FBN1: variants seen among roughly 807,000 people sequenced by gnomAD.
The protein encoded by FBN1 is fibrillin 1, also known as fibrillin-1.
FBN1 carries 29 observed loss-of-function variants against 365.1 expected under a neutral mutation model. The observed-to-expected ratio is 0.08, with a 90% confidence interval of 0.06 to 0.11. The LOEUF (loss-of-function observed/expected upper bound fraction) is 0.11. Among genes scored for constraint, FBN1 ranks in the 10% least tolerant of loss-of-function variants. FBN1 has a pLI of 1.00. For missense variants in FBN1, 2,476 were observed against 3,703.2 expected (o/e 0.67, Z 8.60); for synonymous variants, 1,210 against 1,270.5 (o/e 0.95, Z 1.01).
At chr15:48,473,189 G>A (rs1257052467) in intron 34 of FBN1, among the ~76,000 whole-genome samples, 5 of 152,088 alleles carry the variant, frequency 3.3e-5, no homozygotes, top group Admixed American at 1.3e-4. Flanking sequence ...AATGATGGGA[G>A]GTTTTTGATG....
At chr15:48,491,698 A>C (rs1296827269) in intron 24 of FBN1, among the ~76,000 whole-genome samples, 1 of 152,166 alleles carries the variant, frequency 6.6e-6, no homozygotes, top group Non-Finnish European at 1.5e-5. Flanking sequence ...TACACTTCAA[A>C]GTAATGTGGT....
chr15:48,627,166 G>C (rs987131695), intron 2 of FBN1, among the ~76,000 whole-genome samples: 6 of 152,084 alleles, frequency 3.9e-5, no homozygotes, highest in African/African-American at 1.4e-4. Flanking sequence ...AAACTAATTT[G>C]TACATCATTT....
intron 6 of FBN1, among the ~76,000 whole-genome samples, chr15:48,538,526 T>G (rs2044031744): frequency 6.6e-6 from 1 of 151,804 alleles, no homozygotes; most frequent in Admixed American, 6.6e-5. Flanking sequence ...AGGGATAAGC[T>G]AAGTCCACAA....
chr15:48,466,103 C>T (rs1485333606), intron 38 of FBN1, among the ~76,000 whole-genome samples: 1 of 152,210 alleles, frequency 6.6e-6, no homozygotes, highest in African/African-American at 2.4e-5. Flanking sequence ...ACTCCCTGGT[C>T]TTACATGTGT....
At chr15:48,412,047 G>C (rs1458120009) in intron 65 of FBN1, among the ~76,000 whole-genome samples, 1 of 152,206 alleles carries the variant, frequency 6.6e-6, no homozygotes, top group Non-Finnish European at 1.5e-5. Flanking sequence ...CCCAGAGCCA[G>C]AGGTCTGGGT....
chr15:48,414,621 G>C (rs2042887643), intron 64 of FBN1, among the ~76,000 whole-genome samples: 1 of 151,876 alleles, frequency 6.6e-6, no homozygotes, highest in Non-Finnish European at 1.5e-5. Context: ...TCCCGGCCGG[G>C]TACAGTGGCT....
At chr15:48,493,834 C>A (rs1386165344) in intron 23 of FBN1, among the ~76,000 whole-genome samples, 2 of 152,180 alleles carry the variant, frequency 1.3e-5, no homozygotes, top group Non-Finnish European at 2.9e-5. Context: ...CTAAATCACC[C>A]ATGACTGTGA....
In FBN1 at chr15:48,526,190, T is replaced by G. The variant is rs1215867426; in HGVS notation, c.928A>C (p.Ser310Arg). The change falls in exon 9 of 66, where the codon AGT (serine) becomes CGT (arginine). Residue 310 changes from serine (S) to arginine (R), a missense_variant. Physicochemically the swap from Ser to Arg is moderately radical, Grantham distance 110 (BLOSUM62 -1). Transcript: ENST00000316623. ...EGGECTNTVS[S>R]YFCKCPPGFY... ...CCAGGGGGACATTTGCAAAAGTAACTGCTGACTGTGTTTGTACATTCACCC... is the reference window on the plus strand; with the variant it reads ...CCAGGGGGACATTTGCAAAAGTAACGGCTGACTGTGTTTGTACATTCACCC... 7 of 1,614,048 alleles carry G rather than the reference T, an allele frequency of 4.3e-6. No individual in the cohort carries two copies. In the Admixed American group the frequency reaches 1.2e-4, roughly 27 times the overall value.
chr15:48,613,241 T>C, intron 2 of FBN1, 149 bp from the exon 3 acceptor site: 1 of 680,800 alleles, frequency 1.5e-6, no homozygotes, highest in East Asian at 2.7e-5. Context: ...CAATGCTGGG[T>C]TGGTAGCTTG....
intron 10 of FBN1, among the ~76,000 whole-genome samples, chr15:48,517,281 C>A (rs1217888756): frequency 1.3e-5 from 2 of 152,174 alleles, no homozygotes; most frequent in African/African-American, 4.8e-5. Context: ...AGAGGTGATA[C>A]TCAAAGCCAT....
At chr15:48,511,088 T>C (rs1302843390) in intron 13 of FBN1, among the ~76,000 whole-genome samples, 2 of 152,160 alleles carry the variant, frequency 1.3e-5, no homozygotes, top group Non-Finnish European at 2.9e-5. Context: ...CTATGCAGAG[T>C]TGAGGTCACA....
In FBN1 at chr15:48,452,271, GGTGA is replaced by G. The variant is rs1166850909; in HGVS notation, c.5545+287_5545+290del. Reference sequence around the variant, plus strand: ...ATTGTGTGTGTGTGTAATGTGTGGGGGTGAGTGTTTGCAGGCAGGGCAGCAGACA... The same window carrying G: ...ATTGTGTGTGTGTGTAATGTGTGGGGGTGTTTGCAGGCAGGGCAGCAGACA... On this transcript the variant is annotated intron_variant, in intron 45 of 65. Coordinates refer to ENST00000316623, the MANE Select transcript of FBN1 (RefSeq NM_000138.5). Among the ~76,000 whole-genome samples the G allele has an allele frequency of 4.6e-5, 7 of 152,104 alleles. No homozygotes were observed. In the East Asian group the frequency reaches 5.8e-4, roughly 13 times the overall value.
At chr15:48,613,663 C>T (rs529255977) in intron 2 of FBN1, among the ~76,000 whole-genome samples, 18 of 152,252 alleles carry the variant, frequency 1.2e-4, no homozygotes, top group African/African-American at 4.1e-4. Flanking sequence ...CGCGGTGGCT[C>T]ACGCCTGTAA....
At chr15:48,578,811 T>A (rs572995962) in intron 6 of FBN1, among the ~76,000 whole-genome samples, 947 of 87,830 alleles carry the variant, frequency 0.011, no homozygotes, top group Non-Finnish European at 0.011. Flanking sequence ...AACAATGAGA[T>A]CACATGGACA....
rs886051251 is a variant in FBN1, at chr15:48,537,758, C to G, written c.589G>C (p.Gly197Arg). Reference sequence around the variant, plus strand: ...GTGCAGACAATCCCGCTGAGTTGTCCCTGGCACATCTGGTTGCTGATCACA... The same window carrying G: ...GTGCAGACAATCCCGCTGAGTTGTCGCTGGCACATCTGGTTGCTGATCACA... Reference protein sequence around the residue: ...FTVISNQMCQGQLSGIVCTKT... With the variant: ...FTVISNQMCQRQLSGIVCTKT... The change falls in exon 7 of 66, where the codon GGA (glycine) becomes CGA (arginine). Residue 197 changes from glycine to arginine, a missense_variant. Physicochemically the swap from Gly to Arg is moderately radical, Grantham distance 125. This residue lies in a region of FBN1 where 421 missense variants were observed against 520.1 expected (regional missense o/e 0.81). Transcript: ENST00000316623. 6.2e-7 allele frequency: 1 copy of G among 1,614,154 alleles called. No homozygotes were observed. Among genetic ancestry groups the G allele is most frequent in the Non-Finnish European group, 8.5e-7 (1 of 1,180,026 alleles).
In FBN1 at chr15:48,596,462, C is replaced by T. The variant is rs73394269; in HGVS notation, c.443-84G>A. ...CACTTGTGGTCCTCTGGAAGGACAACAATAAAATGTCTAAAGTCACCCTGG... is the reference window on the plus strand; with the variant it reads ...CACTTGTGGTCCTCTGGAAGGACAATAATAAAATGTCTAAAGTCACCCTGG... On this transcript the variant is annotated intron_variant, in intron 5 of 65. Transcript: ENST00000316623. 9.3e-4 allele frequency: 1,201 copies of T among 1,292,094 alleles called. 9 individuals carry two copies. In the African/African-American group the frequency reaches 0.016, roughly 17 times the overall value. 80.0% of individuals were successfully genotyped at this position (1,292,094 alleles called of 1,614,324 possible). A position where few individuals can be genotyped will look rare whatever the true frequency, so the allele number is the denominator to read the frequency against.
At chr15:48,458,570 C>T (rs1253756983) in intron 43 of FBN1, among the ~76,000 whole-genome samples, 2 of 152,156 alleles carry the variant, frequency 1.3e-5, no homozygotes, top group Non-Finnish European at 2.9e-5. Context: ...CACGAAACAT[C>T]ATATTCACAT....
At chr15:48,504,198 C>T (rs1335118128) in intron 16 of FBN1, among the ~76,000 whole-genome samples, 1 of 152,192 alleles carries the variant, frequency 6.6e-6, no homozygotes, top group Non-Finnish European at 1.5e-5. Flanking sequence ...AAATGTGAGG[C>T]CCTTCAATGC....
intron 6 of FBN1, among the ~76,000 whole-genome samples, chr15:48,564,333 A>G (rs1296530627): frequency 6.6e-6 from 1 of 152,184 alleles, no homozygotes; most frequent in African/African-American, 2.4e-5. Flanking sequence ...CCAGATCAAT[A>G]AAACAAACTT....
Sources: gnomAD v4.1 joint callset for allele counts (sites outside exome capture counted in the v4.1 genomes callset) on GRCh38, gnomAD v4.1.1 for gene constraint, gnomAD v4.1.1 regional missense constraint, MANE v1.5 for transcripts, NCBI Gene and HGNC (gene_info 2026-07-23, HGNC 2026-07-21) for gene names.